The following RADIL variants were observed in gnomAD, a reference collection of about 807,000 sequenced individuals.
The protein encoded by RADIL is ras-associating and dilute domain-containing protein.
RADIL carries 99 observed loss-of-function variants against 97.6 expected under a neutral mutation model. That is an observed-to-expected ratio of 1.01 (90% CI 0.86 to 1.20). RADIL has a LOEUF of 1.20. Ranked by LOEUF, RADIL falls within the 50% of genes most tolerant of loss-of-function variation. The pLI is 0.00. For missense variants in RADIL, 1,765 were observed against 1,498.9 expected (o/e 1.18, Z -2.93); for synonymous variants, 803 against 691.8 (o/e 1.16, Z -2.52).
chr7:4,870,926 G>A (rs976924184), intron 2 of RADIL, among the ~76,000 whole-genome samples: 12 of 152,290 alleles, frequency 7.9e-5, no homozygotes, highest in Middle Eastern at 3.4e-3. Context: ...GGCTGTCAAC[G>A]GTGCCTCTAT....
At chr7:4,858,229 A>G (rs1252824559) in intron 2 of RADIL, 2 of 152,220 alleles carry the variant, frequency 1.3e-5, no homozygotes, top group Non-Finnish European at 2.9e-5. Context: ...ACAGGAAAAG[A>G]GTTTAAGTAA....
rs1287647592 is a variant in RADIL at position 4,822,620 on chromosome 7, C to T, written c.1455-66G>A. ...CCCTCAGGAGGCTGAATCTACCACT[C>T]TTTCTACATAAGGATGCGCGTTTTC... On this transcript the variant is annotated intron_variant, in intron 5 of 14. Transcript: ENST00000399583. This position sits in a 1 kb window ranked among gnomAD's most constrained non-coding sequence, Gnocchi z 5.3. 2.6e-6 allele frequency: 4 copies of T among 1,547,932 alleles called. No individual in the cohort carries two copies. Among genetic ancestry groups the T allele is most frequent in the Non-Finnish European group, 3.5e-6 (4 of 1,142,704 alleles).
rs1783243982 is a variant in RADIL at position 4,834,665 on chromosome 7, G to A, written c.1358C>T (p.Pro453Leu). 2.2e-6 allele frequency: 3 copies of A among 1,369,074 alleles called. No individual in the cohort carries two copies. Among genetic ancestry groups the A allele is most frequent in the Non-Finnish European group, 2.8e-6 (3 of 1,054,566 alleles). 84.8% of individuals were successfully genotyped at this position (1,369,074 alleles called of 1,614,324 possible). A position where few individuals can be genotyped will look rare whatever the true frequency, so the allele number is the denominator to read the frequency against. Residue 453 changes from proline (P) to leucine (L), a missense_variant, in exon 4 of 15, where the codon CCG (proline) becomes CTG (leucine). Transcript: ENST00000399583. This position sits in a 1 kb window ranked among gnomAD's most constrained non-coding sequence, Gnocchi z 6.0. ...CIQHSATHFQ[P>L]GTFGQLLLKI... ...GAGCAGGAGCTGCCCGAATGTGCCCGGCTGGAAGTGGGTGGCCGAGTGCTG... is the reference window on the plus strand; with the variant it reads ...GAGCAGGAGCTGCCCGAATGTGCCCAGCTGGAAGTGGGTGGCCGAGTGCTG...
intron 2 of RADIL, among the ~76,000 whole-genome samples, chr7:4,866,856 C>T (rs1049485887): frequency 7.2e-5 from 11 of 152,202 alleles, no homozygotes; most frequent in Non-Finnish European, 1.5e-5. Flanking sequence ...GGACAGATCC[C>T]TCATGAATGG....
At chr7:4,804,848 C>A (rs939430464) in intron 10 of RADIL, among the ~76,000 whole-genome samples, 7 of 151,796 alleles carry the variant, frequency 4.6e-5, no homozygotes, top group Non-Finnish European at 1.0e-4. Context: ...GTAATCCCAG[C>A]ACTTTGGGAG....
At chr7:4,833,339 T>C (rs986780087) in intron 4 of RADIL, among the ~76,000 whole-genome samples, 3 of 152,170 alleles carry the variant, frequency 2.0e-5, no homozygotes, top group Admixed American at 6.5e-5. Flanking sequence ...CGAAAACCCA[T>C]GACTTCTGGC....
In RADIL at chr7:4,820,159, G is replaced by C. The variant is rs1030202465; in HGVS notation, c.1615+2235C>G. On this transcript the variant is annotated intron_variant, in intron 6 of 14. Transcript: ENST00000399583. The stretch of plus-strand genomic sequence containing the variant: ...TCCCCCTGTCACACGGAAGGACCAA[G>C]TGCACTGCAAGGTCAGTGAGGGTCA... Among the ~76,000 whole-genome samples the C allele has an allele frequency of 4.1e-4, 63 of 152,354 alleles. 1 individual carries two copies. Among genetic ancestry groups the C allele is most frequent in the African/African-American group, 1.5e-3 (63 of 41,582 alleles).
rs1052836249 is a variant in RADIL at position 4,799,765 on chromosome 7, G to C, written c.2987C>G (p.Thr996Arg). 6.5e-7 allele frequency: 1 copy of C among 1,529,558 alleles called. No homozygotes were observed. Among genetic ancestry groups the C allele is most frequent in the Admixed American group, 2.0e-5 (1 of 49,508 alleles). The allele number at this position is 1,529,558 out of a possible 1,614,324, so 94.7% of individuals were successfully genotyped here. The change falls in exon 14 of 15, where the codon ACG becomes AGG. Residue 996 changes from threonine (T) to arginine (R), a missense_variant. Transcript: ENST00000399583. Reference sequence around the variant, plus strand: ...GTAGAGCCCGGGGGCGCCCAGGTGCGTGTGCTGGGGACAAGCAGAGGCCTC... The same window carrying C: ...GTAGAGCCCGGGGGCGCCCAGGTGCCTGTGCTGGGGACAAGCAGAGGCCTC... ...LGMGLIDGMH[T>R]HLGAPGLYIQ...
rs1180662209 is a variant in RADIL, at chr7:4,821,771, G to A, written c.1615+623C>T. On this transcript the variant is annotated intron_variant, in intron 6 of 14. Coordinates refer to ENST00000399583, the MANE Select transcript of RADIL (RefSeq NM_018059.5). This position sits in a 1 kb window ranked among gnomAD's most constrained non-coding sequence, Gnocchi z 5.2. The stretch of plus-strand genomic sequence containing the variant: ...CTCGGGAGGCTGAGGCACGAGAATC[G>A]CTTGAACCTGGGAGACGGAGCTTGC... Among the ~76,000 whole-genome samples the A allele has an allele frequency of 6.6e-6, 1 of 152,044 alleles. No homozygotes were observed. Among genetic ancestry groups the A allele is most frequent in the African/African-American group, 2.4e-5 (1 of 41,388 alleles).
intron 10 of RADIL, among the ~76,000 whole-genome samples, chr7:4,804,836 C>T (rs976145822): frequency 2.0e-5 from 3 of 151,608 alleles, no homozygotes; most frequent in Non-Finnish European, 2.9e-5. Context: ...TGGCTCATGT[C>T]TGTAATCCCA....
intron 1 of RADIL, among the ~76,000 whole-genome samples, chr7:4,882,551 C>T (rs1003003675): frequency 2.0e-5 from 3 of 152,136 alleles, no homozygotes; most frequent in Non-Finnish European, 4.4e-5. Flanking sequence ...GCTGCGCTGA[C>T]GACATGGGTG....
At position 4,822,382 on chromosome 7, in the gene RADIL, C is replaced by T. The variant is rs374004655; in HGVS notation, c.1615+12G>A. The T allele has an allele frequency of 1.1e-5, 18 of 1,601,394 alleles. No individual in the cohort carries two copies. The highest frequency in any genetic ancestry group is 6.9e-5 in the Admixed American group (4 of 57,686). On this transcript the variant is annotated intron_variant, in intron 6 of 14. Transcript: ENST00000399583. The surrounding 1 kb of genome is among the most constrained non-coding windows in gnomAD (Gnocchi z 5.3). ...TGCTGGCGGGGGGAATGGAGGGCAG[C>T]GCCAGCCGTACCTGTGATGTCCAGC...
At position 4,880,449 on chromosome 7, in the gene RADIL, G is replaced by A. The variant is rs183278085; in HGVS notation, c.-64-2246C>T. On this transcript the variant is annotated intron_variant, in intron 1 of 14. Transcript: ENST00000399583. This position sits in a 1 kb window ranked among gnomAD's most constrained non-coding sequence, Gnocchi z 4.5. ...CCCTCTAGTCTGACCTCAGTCTCCT[G>A]TGGTCAGTTTTCAAAGTGAGTACTT... 2.6e-5 allele frequency among the ~76,000 whole-genome samples: 4 copies of A among 152,208 alleles called. No individual in the cohort carries two copies.
At chr7:4,852,114 C>T (rs1019087507) in intron 2 of RADIL, among the ~76,000 whole-genome samples, 4 of 152,162 alleles carry the variant, frequency 2.6e-5, no homozygotes, top group Admixed American at 6.5e-5. Context: ...TCAGGAAATC[C>T]TCATCCGGCC....
intron 9 of RADIL, among the ~76,000 whole-genome samples, chr7:4,812,628 G>A (rs117141428): frequency 0.023 from 3,505 of 151,692 alleles, 71 homozygotes; most frequent in Non-Finnish European, 0.031. Context: ...TGCCATATTG[G>A]GCAGGCTGGT....
chr7:4,855,111 TAA>T (rs1178178085), intron 2 of RADIL, among the ~76,000 whole-genome samples: 1 of 152,242 alleles, frequency 6.6e-6, no homozygotes, highest in Non-Finnish European at 1.5e-5. Context: ...AGCTACGGTC[TAA>T]TTTCACAACT....
chr7:4,816,590 C>T, intron 7 of RADIL, 125 bp from the exon 8 acceptor site: 1 of 740,728 alleles, frequency 1.4e-6, no homozygotes, highest in Non-Finnish European at 2.3e-6. Context: ...CGGTAGCTTC[C>T]TGCTGGACAG....
intron 2 of RADIL, chr7:4,860,118 C>T (rs1459502021): frequency 3.1e-6 from 5 of 1,613,900 alleles, no homozygotes; most frequent in Non-Finnish European, 4.2e-6. Flanking sequence ...GCCACAGATG[C>T]TGTCATTACA....
rs544211497 is a variant in RADIL at position 4,871,909 on chromosome 7, G to A, written c.535+5696C>T. Among the ~76,000 whole-genome samples the A allele has an allele frequency of 1.8e-4, 27 of 152,232 alleles. No individual in the cohort carries two copies. In the East Asian group the frequency reaches 4.6e-3, roughly 26 times the overall value. On this transcript the variant is annotated intron_variant, in intron 2 of 14. Coordinates refer to ENST00000399583, the MANE Select transcript of RADIL (RefSeq NM_018059.5). Reference sequence around the variant, plus strand: ...GCCTGAACCTTCCTGGCTAAACCTCGGCGGCTTTACAAACTCTCTAGGGTG... The same window carrying A: ...GCCTGAACCTTCCTGGCTAAACCTCAGCGGCTTTACAAACTCTCTAGGGTG...
Sources: allele counts gnomAD v4.1 joint callset (sites outside exome capture counted in the v4.1 genomes callset), GRCh38; gene constraint gnomAD v4.1.1; non-coding constraint Gnocchi (gnomAD v3.1); transcripts MANE v1.5; gene names NCBI Gene and HGNC (gene_info 2026-07-23, HGNC 2026-07-21).